The following MAGI2 variants were observed in gnomAD, a reference collection of about 807,000 sequenced individuals.
MAGI2 encodes membrane associated guanylate kinase, WW and PDZ domain containing 2, also known as membrane-associated guanylate kinase, WW and PDZ domain-containing protein 2.
In MAGI2, 35 loss-of-function variants were observed where a neutral mutation model predicts 133.3. That is an observed-to-expected ratio of 0.26 (90% CI 0.20 to 0.35). The LOEUF (loss-of-function observed/expected upper bound fraction) is 0.35. Ranked by LOEUF, MAGI2 falls within the 10% of genes least tolerant of loss-of-function variation. The pLI, the probability that MAGI2 is intolerant of heterozygous loss-of-function variation, is 1.00. For missense variants in MAGI2, 1,636 were observed against 1,863.4 expected (o/e 0.88, Z 2.25); for synonymous variants, 729 against 710.6 (o/e 1.03, Z -0.41).
At chr7:78,177,329 A>G (rs1826737876) in intron 14 of MAGI2, among the ~76,000 whole-genome samples, 1 of 152,056 alleles carries the variant, frequency 6.6e-6, no homozygotes, top group Non-Finnish European at 1.5e-5. Context: ...TTTATAGCTT[A>G]TATTTTAACA....
At chr7:78,552,167 T>A (rs1340550762) in intron 3 of MAGI2, among the ~76,000 whole-genome samples, 1 of 150,120 alleles carries the variant, frequency 6.7e-6, no homozygotes, top group East Asian at 2.0e-4. Flanking sequence ...TAGGTAGACA[T>A]TTGTTTTCCT....
chr7:78,433,954 A>G (rs993884877), intron 6 of MAGI2, among the ~76,000 whole-genome samples: 1 of 152,196 alleles, frequency 6.6e-6, no homozygotes, highest in Non-Finnish European at 1.5e-5. Context: ...ATTGTACCAC[A>G]GTCTCGTCTA....
intron 2 of MAGI2, among the ~76,000 whole-genome samples, chr7:78,806,903 A>C (rs1788627992): frequency 6.6e-6 from 1 of 151,088 alleles, no homozygotes; most frequent in African/African-American, 2.4e-5. Context: ...AAAATAAAAT[A>C]AAATAAAATA....
At chr7:78,586,335 C>T (rs1248599596) in intron 3 of MAGI2, among the ~76,000 whole-genome samples, 1 of 152,122 alleles carries the variant, frequency 6.6e-6, no homozygotes, top group Non-Finnish European at 1.5e-5. Context: ...GGACTTAGAG[C>T]AGGAGTTCCA....
At chr7:78,667,312 T>C (rs1423368571) in intron 2 of MAGI2, among the ~76,000 whole-genome samples, 4 of 151,584 alleles carry the variant, frequency 2.6e-5, no homozygotes, top group Non-Finnish European at 5.9e-5. Context: ...TTCAAGATTG[T>C]CAAATAAAAC....
chr7:79,452,445 C>G (rs1849349992), intron 1 of MAGI2, among the ~76,000 whole-genome samples: 1 of 152,152 alleles, frequency 6.6e-6, no homozygotes, highest in Non-Finnish European at 1.5e-5. Flanking sequence ...CCCGTCAAAG[C>G]GCCCAAAGCA....
intron 2 of MAGI2, among the ~76,000 whole-genome samples, chr7:78,856,314 G>A (rs1377379762): frequency 6.6e-6 from 1 of 152,152 alleles, no homozygotes; most frequent in Non-Finnish European, 1.5e-5. Context: ...TTTTAGACAT[G>A]AAGTCCTTGC....
intron 2 of MAGI2, among the ~76,000 whole-genome samples, chr7:78,974,115 T>A (rs1236525221): frequency 6.6e-6 from 1 of 151,838 alleles, no homozygotes; most frequent in East Asian, 1.9e-4. Flanking sequence ...ATTCTACATG[T>A]GTTTTTTGAA....
At chr7:79,383,252 T>A (rs1843928259) in intron 1 of MAGI2, among the ~76,000 whole-genome samples, 1 of 151,620 alleles carries the variant, frequency 6.6e-6, no homozygotes, top group Admixed American at 6.6e-5. Flanking sequence ...AGAAGGAATG[T>A]CCAGGATGCT....
In MAGI2 at chr7:78,343,809, C is replaced by A; in HGVS notation, c.1377G>T (p.Gly459=). The A allele has an allele frequency of 6.2e-7, 1 of 1,606,636 alleles. No homozygotes were observed. Among genetic ancestry groups the A allele is most frequent in the Non-Finnish European group, 8.5e-7 (1 of 1,177,256 alleles). ...CCATTTTTCCATCCTGTGCTGCAGG[C>A]CCATCCGGAATCACACTTTTCACCT... ...FLQVKSVIPD[G]PAAQDGKMET... Residue 459 remains glycine, a synonymous_variant, in exon 9 of 22, where the codon GGG becomes GGT. Coordinates refer to ENST00000354212, the MANE Select transcript of MAGI2 (RefSeq NM_012301.4).
intron 11 of MAGI2, among the ~76,000 whole-genome samples, chr7:78,195,827 A>G (rs1433074360): frequency 6.6e-6 from 1 of 152,230 alleles, no homozygotes. Context: ...GGAGGAAGCC[A>G]GACTCCCTGA....
intron 6 of MAGI2, among the ~76,000 whole-genome samples, chr7:78,432,999 G>T (rs572824152): frequency 1.3e-5 from 2 of 152,066 alleles, no homozygotes; most frequent in Admixed American, 6.6e-5. Flanking sequence ...AATAACCTGG[G>T]TTGGTGTTTT....
At chr7:78,648,600 C>T (rs188443084) in intron 2 of MAGI2, among the ~76,000 whole-genome samples, 29 of 152,268 alleles carry the variant, frequency 1.9e-4, no homozygotes, top group Admixed American at 1.7e-3. Flanking sequence ...TTAAAATTAG[C>T]GGGTCTACCT....
At chr7:79,051,042 T>G (rs932736709) in intron 1 of MAGI2, among the ~76,000 whole-genome samples, 1 of 152,234 alleles carries the variant, frequency 6.6e-6, no homozygotes, top group Non-Finnish European at 1.5e-5. Flanking sequence ...ACTGTGCCAT[T>G]CACAAAATAC....
At chr7:78,855,546 T>G (rs1484726605) in intron 2 of MAGI2, among the ~76,000 whole-genome samples, 2 of 152,178 alleles carry the variant, frequency 1.3e-5, no homozygotes, top group African/African-American at 2.4e-5. Context: ...AGAATGATGG[T>G]TTCCAGCTTC....
intron 1 of MAGI2, among the ~76,000 whole-genome samples, chr7:79,267,512 G>A (rs1414947240): frequency 6.6e-6 from 1 of 152,200 alleles, no homozygotes; most frequent in Non-Finnish European, 1.5e-5. Flanking sequence ...GTTGCCTTAT[G>A]TGGTTAGCCA....
intron 3 of MAGI2, among the ~76,000 whole-genome samples, chr7:78,563,997 G>T (rs942386329): frequency 6.6e-6 from 1 of 152,030 alleles, no homozygotes. Flanking sequence ...TTTTTTTTAA[G>T]TTGCTAACAC....
At chr7:78,994,045 T>C (rs1314724628) in intron 2 of MAGI2, among the ~76,000 whole-genome samples, 2 of 151,806 alleles carry the variant, frequency 1.3e-5, no homozygotes, top group Non-Finnish European at 2.9e-5. Flanking sequence ...CGATTCTGTA[T>C]GTGCCTAGTG....
intron 1 of MAGI2, among the ~76,000 whole-genome samples, chr7:79,033,327 G>A (rs1360083078): frequency 6.6e-6 from 1 of 152,196 alleles, no homozygotes; most frequent in Admixed American, 6.5e-5. Flanking sequence ...TCACCTATGT[G>A]AAGGAAGTAT....
Sources: allele counts gnomAD v4.1 joint callset (sites outside exome capture counted in the v4.1 genomes callset), GRCh38; gene constraint gnomAD v4.1.1; transcripts MANE v1.5; gene names NCBI Gene and HGNC (gene_info 2026-07-23, HGNC 2026-07-21).